The following UTRN variants were observed in gnomAD, a reference collection of about 807,000 sequenced individuals.
The protein encoded by UTRN is utrophin, also known as dystrophin-related protein 1.
A neutral mutation model predicts 463.9 loss-of-function variants in UTRN; 283 were observed. That is an observed-to-expected ratio of 0.61 (90% confidence interval 0.55 to 0.67). The LOEUF (loss-of-function observed/expected upper bound fraction) is 0.67. UTRN is among the 30% of genes least tolerant of loss of function. The probability of loss-of-function intolerance (pLI) is 0.00; values close to 1 mark genes in which losing one functional copy is unlikely to be tolerated. For missense variants in UTRN, 3,922 were observed against 4,084.3 expected, an observed-to-expected ratio of 0.96 and a Z score of 1.08; for synonymous variants, 1,442 against 1,431.5, an observed-to-expected ratio of 1.01 and a Z score of -0.17.
intron 23 of UTRN, among the ~76,000 whole-genome samples, chr6:144,470,127 G>T (rs71503181): frequency 9.2e-5 from 14 of 152,144 alleles, no homozygotes; most frequent in Non-Finnish European, 4.4e-5. Flanking sequence ...GCAACAATCC[G>T]ATCTCTCCTT....
chr6:144,487,473 A>G (rs1174678960), intron 28 of UTRN, 75 bp from the exon 29 acceptor site: 2 of 1,374,258 alleles, frequency 1.5e-6, no homozygotes, highest in African/African-American at 2.9e-5. Context: ...TTTAACAAAT[A>G]GACATTTTGG....
At chr6:144,683,290 A>C (rs534903447) in intron 52 of UTRN, among the ~76,000 whole-genome samples, 2 of 152,274 alleles carry the variant, frequency 1.3e-5, no homozygotes, top group African/African-American at 4.8e-5. Flanking sequence ...AGTGGACCGT[A>C]TGGGCTGAGC....
intron 54 of UTRN, among the ~76,000 whole-genome samples, chr6:144,731,382 T>A (rs1383815351): frequency 2.0e-5 from 3 of 152,216 alleles, no homozygotes; most frequent in Admixed American, 2.0e-4. Context: ...GATGCATTTT[T>A]AAAAATAAAC....
chr6:144,559,368 T>A (rs1016942219), intron 50 of UTRN, among the ~76,000 whole-genome samples: 2 of 152,124 alleles, frequency 1.3e-5, no homozygotes, highest in African/African-American at 4.8e-5. Context: ...TTGTTATCTA[T>A]AAAACAGGGA....
intron 50 of UTRN, among the ~76,000 whole-genome samples, chr6:144,563,169 A>C (rs1800088621): frequency 6.6e-6 from 1 of 152,202 alleles, no homozygotes; most frequent in Admixed American, 6.5e-5. Flanking sequence ...TATAGTTTTC[A>C]AAAGGTTATT....
At chr6:144,700,973 C>T (rs1480864638) in intron 53 of UTRN, among the ~76,000 whole-genome samples, 2 of 151,804 alleles carry the variant, frequency 1.3e-5, no homozygotes, top group Admixed American at 6.6e-5. Context: ...GTGGCATGAT[C>T]TCAGCTCACT....
chr6:144,648,472 A>G (rs1029625130), intron 51 of UTRN, among the ~76,000 whole-genome samples: 1 of 152,226 alleles, frequency 6.6e-6, no homozygotes, highest in Non-Finnish European at 1.5e-5. Flanking sequence ...CAGTGAAATG[A>G]TAAATCTTCT....
At chr6:144,450,863 T>C (rs751664797) in intron 17 of UTRN, among the ~76,000 whole-genome samples, 5 of 152,180 alleles carry the variant, frequency 3.3e-5, no homozygotes, top group Non-Finnish European at 7.3e-5. Flanking sequence ...GCATGGTGGG[T>C]CATGACTGTA....
At chr6:144,591,081 T>A (rs1803016305) in intron 51 of UTRN, among the ~76,000 whole-genome samples, 1 of 152,098 alleles carries the variant, frequency 6.6e-6, no homozygotes, top group Non-Finnish European at 1.5e-5. Flanking sequence ...CCTAGCACAG[T>A]CTCATGTCTC....
chr6:144,482,215 A>G lies in UTRN; in HGVS notation c.3514A>G (p.Lys1172Glu). The G allele has an allele frequency of 6.7e-7, 1 of 1,486,190 alleles. No homozygotes were observed. The highest frequency in any genetic ancestry group is 2.5e-5 in the East Asian group (1 of 40,204). 92.1% of individuals were successfully genotyped at this position (1,486,190 alleles called of 1,614,324 possible). A position where few individuals can be genotyped will look rare whatever the true frequency, so the allele number is the denominator to read the frequency against. Residue 1172 changes from lysine to glutamate, a missense_variant, in exon 27 of 75, where the codon AAA becomes GAA. Lys to Glu is a moderately conservative substitution (Grantham distance 56). Coordinates refer to ENST00000367545, the MANE Select transcript of UTRN (RefSeq NM_007124.3). Reference protein sequence around the residue: ...ESAVEEMKRAKEDVLQKEVRV... With the variant: ...ESAVEEMKRAEEDVLQKEVRV... ...CCATCCTTTCTTGGAACAGAGGGCA[A>G]AAGAGGATGTGTTGCAGAAGGAGGT...
chr6:144,768,996 A>G (rs138237504), intron 58 of UTRN, among the ~76,000 whole-genome samples: 54 of 140,310 alleles, frequency 3.8e-4, no homozygotes, highest in African/African-American at 1.3e-3. Context: ...ATAGATTCCC[A>G]TGGCTGTTGC....
intron 27 of UTRN, among the ~76,000 whole-genome samples, chr6:144,483,745 G>A (rs982427367): frequency 4.6e-5 from 7 of 152,110 alleles, no homozygotes; most frequent in East Asian, 3.9e-4. Context: ...CACTGCACCC[G>A]GACTGGCTGA....
At chr6:144,483,158 T>G (rs973861548) in intron 27 of UTRN, among the ~76,000 whole-genome samples, 3 of 152,268 alleles carry the variant, frequency 2.0e-5, no homozygotes, top group Non-Finnish European at 4.4e-5. Flanking sequence ...TTCATTACTT[T>G]GATCATTCAT....
chr6:144,510,406 A>G (rs1795073384), intron 34 of UTRN, among the ~76,000 whole-genome samples: 1 of 152,192 alleles, frequency 6.6e-6, no homozygotes, highest in Non-Finnish European at 1.5e-5. Context: ...AGTTACTTAC[A>G]TGAAATGTTT....
chr6:144,689,984 G>C (rs1783153846), intron 52 of UTRN, among the ~76,000 whole-genome samples: 1 of 151,110 alleles, frequency 6.6e-6, no homozygotes, highest in Admixed American at 6.6e-5. Flanking sequence ...GGTGGTACTG[G>C]TGGGATTTAT....
At position 144,722,631 on chromosome 6, in the gene UTRN, T is replaced by C. The variant is rs114495064; in HGVS notation, c.7810-7726T>C. ...CTTTGCTGTGTAACATAGGAACCCT[T>C]AGACATATGTAACCATTTGTATTTA... On this transcript the variant is annotated intron_variant, in intron 53 of 74. Transcript: ENST00000367545. 1.9e-3 allele frequency among the ~76,000 whole-genome samples: 295 copies of C among 152,296 alleles called. 4 individuals carry two copies. Among genetic ancestry groups the C allele is most frequent in the African/African-American group, 6.9e-3 (285 of 41,560 alleles).
At chr6:144,421,286 C>A (rs1450059637) in intron 3 of UTRN, among the ~76,000 whole-genome samples, 2 of 152,124 alleles carry the variant, frequency 1.3e-5, no homozygotes, top group African/African-American at 2.4e-5. Context: ...AACCACGATG[C>A]CCAACAGCTT....
At chr6:144,466,578 G>A (rs769161418) in intron 23 of UTRN, among the ~76,000 whole-genome samples, 8 of 152,086 alleles carry the variant, frequency 5.3e-5, no homozygotes, top group Non-Finnish European at 1.0e-4. Flanking sequence ...ACCCCTTCCA[G>A]GTGACAAAAC....
chr6:144,604,858 T>A lies in UTRN; in HGVS notation c.7479+27570T>A, dbSNP rs541541581. On this transcript the variant is annotated intron_variant, in intron 51 of 74. Coordinates refer to ENST00000367545, the MANE Select transcript of UTRN (RefSeq NM_007124.3). ...TGAACGCGGGAGGCAGAGGTTGCAG[T>A]GAGCCGAGATTGCACCGTTGCACTC... is the stretch of plus-strand genomic sequence containing the variant. Among the ~76,000 whole-genome samples, 255 of 152,168 alleles carry A rather than the reference T, an allele frequency of 1.7e-3. 1 individual carries two copies. The highest frequency in any genetic ancestry group is 5.9e-3 in the African/African-American group (245 of 41,488).
Sources: gnomAD v4.1 joint callset for allele counts (sites outside exome capture counted in the v4.1 genomes callset) on GRCh38, gnomAD v4.1.1 for gene constraint, MANE v1.5 for transcripts, NCBI Gene and HGNC (gene_info 2026-07-23, HGNC 2026-07-21) for gene names.